Variants in SLC30A10 observed in about 807,000 individuals in gnomAD.
SLC30A10 encodes solute carrier family 30 member 10.
Under a neutral mutation model 21.7 loss-of-function variants are expected in SLC30A10, and 8 were observed. That is an observed-to-expected ratio of 0.37 (90% CI 0.22 to 0.67). The LOEUF (loss-of-function observed/expected upper bound fraction) is 0.67. SLC30A10 is among the 30% of genes least tolerant of loss of function. The pLI is 0.58. For missense variants in SLC30A10, 521 were observed against 642.5 expected (o/e 0.81, Z 2.04); for synonymous variants, 272 against 279.4 (o/e 0.97, Z 0.26).
intron 1 of SLC30A10, among the ~76,000 whole-genome samples, chr1:219,954,429 C>T (rs1660315954): frequency 2.6e-5 from 4 of 151,950 alleles, no homozygotes; most frequent in Admixed American, 2.6e-4. Flanking sequence ...CCTGTAATCC[C>T]AGCACTTTGG....
At chr1:219,946,569 A>T (rs1048192181) in intron 1 of SLC30A10, among the ~76,000 whole-genome samples, 8 of 152,228 alleles carry the variant, frequency 5.3e-5, no homozygotes, top group African/African-American at 1.9e-4. Flanking sequence ...CCATGTAAGT[A>T]GTCACTCTGA....
chr1:219,934,613 G>C (rs966963733), intron 1 of SLC30A10, among the ~76,000 whole-genome samples: 12 of 151,928 alleles, frequency 7.9e-5, no homozygotes, highest in African/African-American at 2.9e-4. Context: ...TTTTTTTCTC[G>C]AAGTATTTCA....
chr1:219,925,806 C>T (rs1659808195), intron 2 of SLC30A10, among the ~76,000 whole-genome samples: 1 of 150,694 alleles, frequency 6.6e-6, no homozygotes, highest in African/African-American at 2.4e-5. Flanking sequence ...CAGGCACCCA[C>T]CACCATGCCT....
rs1404361885 is a variant in SLC30A10, at chr1:219,927,930, G to C, written c.511C>G (p.Gln171Glu). Residue 171 changes from glutamine (Q) to glutamate (E), a missense_variant, in exon 1 of 4, where the codon CAG becomes GAG. Physicochemically the swap from Gln to Glu is conservative, Grantham distance 29 (BLOSUM62 2). Coordinates refer to ENST00000366926, the MANE Select transcript of SLC30A10 (RefSeq NM_018713.3). ...GCGCGCCGCGGGTCCTCCGCGCCCT[G>C]AGGCCCCCCGAAAGCGCCGGGGACA... ...GCVPGAFGGP[Q>E]GAEDPRRAAD... 2.8e-5 allele frequency: 43 copies of C among 1,538,046 alleles called. No homozygotes were observed. In the East Asian group the frequency reaches 1.1e-3, roughly 38 times the overall value.
At chr1:219,930,332 A>T (rs1294969548), upstream of SLC30A10, among the ~76,000 whole-genome samples, 1 of 152,124 alleles carries the variant, frequency 6.6e-6, no homozygotes, top group Non-Finnish European at 1.5e-5. Flanking sequence ...AAAAAAAATT[A>T]GCCAGGCGTG....
chr1:219,919,790 A>G (rs1422118461), intron 2 of SLC30A10, among the ~76,000 whole-genome samples: 1 of 152,058 alleles, frequency 6.6e-6, no homozygotes, highest in African/African-American at 2.4e-5. Flanking sequence ...AAAAAAAAAA[A>G]AAAATGCCCA....
chr1:219,950,011 G>A (rs1660246600), intron 1 of SLC30A10, among the ~76,000 whole-genome samples: 1 of 152,082 alleles, frequency 6.6e-6, no homozygotes, highest in African/African-American at 2.4e-5. Context: ...AAGAAAATGG[G>A]GAGTATCATT....
chr1:219,938,043 C>A (rs1044760139), intron 1 of SLC30A10, among the ~76,000 whole-genome samples: 3 of 152,048 alleles, frequency 2.0e-5, no homozygotes, highest in Non-Finnish European at 4.4e-5. Context: ...TGTATTTTTT[C>A]TTCTGCCTTT....
At chr1:219,927,661 AAAAAAAACAAC>A in intron 1 of SLC30A10, 129 bp downstream of exon 1, 3 of 557,776 alleles carry the variant, frequency 5.4e-6, no homozygotes, top group Non-Finnish European at 7.2e-6. Flanking sequence ...AAAAAAAAAA[AAAAAAAACAAC>A]AACAACAAAA....
chr1:219,915,886 C>T lies in SLC30A10; in HGVS notation c.1021G>A (p.Val341Ile). The T allele has an allele frequency of 6.2e-7, 1 of 1,614,204 alleles. No individual in the cohort carries two copies. The highest frequency in any genetic ancestry group is 8.5e-7 in the Non-Finnish European group (1 of 1,180,030). Residue 341 changes from valine (V) to isoleucine (I), a missense_variant, in exon 4 of 4, where the codon GTA becomes ATA. Physicochemically the swap from Val to Ile is conservative, Grantham distance 29 (BLOSUM62 3). Transcript: ENST00000366926. The part of the protein sequence containing the change: ...SVHEVHIWEL[V>I]SGKIIATLHI... The stretch of plus-strand genomic sequence containing the variant: ...AGGGTGGCAATAATCTTTCCACTTA[C>T]AAGTTCCCAGATGTGCACTTCATGT...
Position 219,918,454 on chromosome 1 carries a change from C to T in SLC30A10, c.759G>A (p.Val253=), listed in dbSNP as rs1558250556. The T allele has an allele frequency of 2.5e-6, 4 of 1,612,550 alleles. No individual in the cohort carries two copies. Among genetic ancestry groups the T allele is most frequent in the Non-Finnish European group, 2.5e-6 (3 of 1,178,810 alleles). The part of the protein sequence containing the change: ...LHVMGDALGS[V]VVVITAIIFY... ...ATATGATGGCCGTGATGACCACAAC[C>T]ACGGACCCCAGGGCATCTCCCATCA... Residue 253 remains valine (V), a synonymous_variant, in exon 3 of 4, where the codon GTG becomes GTA. Transcript: ENST00000366926. This position sits in a 1 kb window ranked among gnomAD's most constrained non-coding sequence, Gnocchi z 4.4.
At chr1:219,952,832 A>T (rs534365105) in intron 1 of SLC30A10, among the ~76,000 whole-genome samples, 1 of 152,322 alleles carries the variant, frequency 6.6e-6, no homozygotes, top group Non-Finnish European at 1.5e-5. Flanking sequence ...GGTCTCTTTA[A>T]CTTCTTTTTT....
At chr1:219,953,852 G>A (rs1033641442) in intron 1 of SLC30A10, among the ~76,000 whole-genome samples, 20 of 151,374 alleles carry the variant, frequency 1.3e-4, no homozygotes, top group South Asian at 2.1e-4. Flanking sequence ...GACTACAGGC[G>A]CCTGCCACCA....
intron 1 of SLC30A10, among the ~76,000 whole-genome samples, chr1:219,941,789 A>G (rs1660126328): frequency 6.6e-6 from 1 of 151,886 alleles, no homozygotes; most frequent in Non-Finnish European, 1.5e-5. Flanking sequence ...GCAGCCCAGG[A>G]TGTCACTGCT....
intron 2 of SLC30A10, among the ~76,000 whole-genome samples, chr1:219,922,994 T>C (rs1378355697): frequency 6.6e-6 from 1 of 152,096 alleles, no homozygotes; most frequent in Non-Finnish European, 1.5e-5. Context: ...CAGATGTACA[T>C]TAAATGTTGA....
chr1:219,944,164 C>T (rs1283350692), intron 1 of SLC30A10, among the ~76,000 whole-genome samples: 2 of 147,804 alleles, frequency 1.4e-5, no homozygotes, highest in East Asian at 2.1e-4. Flanking sequence ...AAAAAAAAAA[C>T]TGGCGGGGCA....
At position 219,911,149 on chromosome 1, in the gene SLC30A10, G is replaced by GTTTTTTTTTTTT; in HGVS notation, c.*4288_*4299dup. 2.1e-3 allele frequency among the ~76,000 whole-genome samples: 104 copies of GTTTTTTTTTTTT among 49,398 alleles called. 2 individuals are homozygous for GTTTTTTTTTTTT. Among genetic ancestry groups the GTTTTTTTTTTTT allele is most frequent in the African/African-American group, 3.3e-3 (56 of 17,150 alleles). The allele number at this position is 49,398 out of a possible 152,430, so 32.4% of individuals were successfully genotyped here. A position where few individuals can be genotyped will look rare whatever the true frequency, so the allele number is the denominator to read the frequency against. On this transcript the variant is annotated 3_prime_UTR_variant, in exon 4 of 4. Coordinates refer to ENST00000366926, the MANE Select transcript of SLC30A10 (RefSeq NM_018713.3). ...ATGTTTCTTCATTTTTTCTACATCAGTTTTTTTTTTTTTTTTTTTTTTTTT... is the reference window on the plus strand; with the variant it reads ...ATGTTTCTTCATTTTTTCTACATCAGTTTTTTTTTTTTTTTTTTTTTTTTTTTTTTTTTTTTT...
At chr1:219,950,927 G>A (rs1660258417) in intron 1 of SLC30A10, among the ~76,000 whole-genome samples, 1 of 152,168 alleles carries the variant, frequency 6.6e-6, no homozygotes, top group Non-Finnish European at 1.5e-5. Flanking sequence ...CAACCTAGGT[G>A]ACAAGAGCAA....
Position 219,915,785 on chromosome 1 carries a change from T to A in SLC30A10, c.1122A>T (p.Gly374=). 6.2e-7 allele frequency: 1 copy of A among 1,614,200 alleles called. No individual in the cohort carries two copies. Among genetic ancestry groups the A allele is most frequent in the Non-Finnish European group, 8.5e-7 (1 of 1,180,038 alleles). The change falls in exon 4 of 4, where the codon GGA becomes GGT. Residue 374 remains glycine, a synonymous_variant. Coordinates refer to ENST00000366926, the MANE Select transcript of SLC30A10 (RefSeq NM_018713.3). ...TKIREIFHHA[G]IHNVTIQFEN... ...CAAACTGGATGGTCACATTGTGGATTCCCGCATGGTGGAAGATTTCTCGAA... is the reference window on the plus strand; with the variant it reads ...CAAACTGGATGGTCACATTGTGGATACCCGCATGGTGGAAGATTTCTCGAA...
Sources: allele counts gnomAD v4.1 joint callset (sites outside exome capture counted in the v4.1 genomes callset), GRCh38; gene constraint gnomAD v4.1.1; non-coding constraint Gnocchi (gnomAD v3.1); transcripts MANE v1.5; gene names NCBI Gene and HGNC (gene_info 2026-07-23, HGNC 2026-07-21).